Variants in RAD51B observed in about 807,000 individuals in gnomAD.
RAD51B encodes the protein RAD51 paralog B, also known as DNA repair protein RAD51 homolog 2.
In RAD51B, 38 loss-of-function variants were observed where a neutral mutation model predicts 42.2. The ratio of observed to expected loss-of-function variants is 0.90; its 90% CI spans 0.70 to 1.18. RAD51B has a LOEUF of 1.18. Among genes scored for constraint, RAD51B ranks in the 50% most tolerant of loss-of-function variants. The pLI is 0.00. For synonymous variants in RAD51B, 154 were observed against 145.2 expected (o/e 1.06, Z -0.43); for missense variants, 373 against 400.7 (o/e 0.93, Z 0.59).
chr14:68,530,446 C>CAAAAAAAAA (rs35454756), intron 10 of RAD51B, among the ~76,000 whole-genome samples: 66 of 67,824 alleles, frequency 9.7e-4, no homozygotes, highest in African/African-American at 2.1e-3. Context: ...GACCCTGTCT[C>CAAAAAAAAA]AAAAAAAAAA....
chr14:68,272,906 G>A lies in RAD51B; in HGVS notation c.757-18978G>A, dbSNP rs573797625. 3.3e-5 allele frequency among the ~76,000 whole-genome samples: 5 copies of A among 150,664 alleles called. No homozygotes were observed. In the South Asian group the frequency reaches 8.4e-4, roughly 25 times the overall value. On this transcript the variant is annotated intron_variant, in intron 7 of 10. Transcript: ENST00000471583. ...TCACCGTGTTAGCCAGGATGGTCTCGATCTCTTGACCTGGTGATCCGCCTG... is the reference window on the plus strand; with the variant it reads ...TCACCGTGTTAGCCAGGATGGTCTCAATCTCTTGACCTGGTGATCCGCCTG...
At chr14:68,163,511 C>T (rs1351507107) in intron 7 of RAD51B, among the ~76,000 whole-genome samples, 2 of 152,178 alleles carry the variant, frequency 1.3e-5, no homozygotes, top group African/African-American at 4.8e-5. Context: ...TTTTTGGCCT[C>T]ACTTCTTTAC....
At chr14:68,362,526 C>T (rs1232491158) in intron 8 of RAD51B, among the ~76,000 whole-genome samples, 1 of 152,112 alleles carries the variant, frequency 6.6e-6, no homozygotes, top group Admixed American at 6.5e-5. Flanking sequence ...CATCACTGCT[C>T]TGAAAAAGAG....
intron 9 of RAD51B, among the ~76,000 whole-genome samples, chr14:68,428,734 T>A (rs1214473688): frequency 3.6e-5 from 1 of 27,864 alleles, no homozygotes; most frequent in Non-Finnish European, 7.5e-5. Flanking sequence ...TATATATATA[T>A]ATATATATAT....
In RAD51B at chr14:68,425,404, C is replaced by G. The variant is rs35325812; in HGVS notation, c.957+13877C>G. 3.4e-3 allele frequency among the ~76,000 whole-genome samples: 525 copies of G among 152,318 alleles called. 2 individuals are homozygous for G. Among genetic ancestry groups the G allele is most frequent in the Non-Finnish European group, 6.3e-3 (431 of 68,030 alleles). ...GTAAGAGGTGATCAGCCCATGAGGG[C>G]CCTGCCCTCATGAATGATTAATGCC... On this transcript the variant is annotated intron_variant, in intron 9 of 10. Transcript: ENST00000471583.
chr14:68,431,564 G>T (rs1033875665), intron 9 of RAD51B, among the ~76,000 whole-genome samples: 5 of 152,088 alleles, frequency 3.3e-5, no homozygotes, highest in Admixed American at 2.0e-4. Flanking sequence ...ATTCTCTGAT[G>T]GTAGTTTGTA....
At chr14:68,546,668 C>G (rs1435320354) in intron 10 of RAD51B, among the ~76,000 whole-genome samples, 1 of 151,978 alleles carries the variant, frequency 6.6e-6, no homozygotes, top group African/African-American at 2.4e-5. Flanking sequence ...ATAGAAGCCC[C>G]AAAACTGGAG....
intron 9 of RAD51B, among the ~76,000 whole-genome samples, chr14:68,423,017 C>G (rs2084747099): frequency 6.6e-6 from 1 of 152,134 alleles, no homozygotes; most frequent in Admixed American, 6.5e-5. Flanking sequence ...CTTAAGAGTT[C>G]TTGCATCTCA....
chr14:68,216,660 C>G (rs978058036), intron 7 of RAD51B, among the ~76,000 whole-genome samples: 2 of 152,112 alleles, frequency 1.3e-5, no homozygotes, highest in Non-Finnish European at 2.9e-5. Flanking sequence ...CTTTTTATTT[C>G]TTGCCATAAA....
In RAD51B at chr14:68,146,546, G is replaced by A. The variant is rs542059664; in HGVS notation, c.757-145338G>A. On this transcript the variant is annotated intron_variant, in intron 7 of 10. Coordinates refer to ENST00000471583, the MANE Select transcript of RAD51B (RefSeq NM_133510.4). Reference sequence around the variant, plus strand: ...TTGTTGGCTTACTGGAATGCCTTGAGTTTGAATTAGAGGGAAGGACCTTAA... The same window carrying A: ...TTGTTGGCTTACTGGAATGCCTTGAATTTGAATTAGAGGGAAGGACCTTAA... Among the ~76,000 whole-genome samples, 120 of 152,212 alleles carry A rather than the reference G, an allele frequency of 7.9e-4. 1 individual carries two copies. The highest frequency in any genetic ancestry group is 5.9e-4 in the Non-Finnish European group (40 of 68,012).
At chr14:68,121,217 T>A (rs1174663684) in intron 7 of RAD51B, among the ~76,000 whole-genome samples, 2 of 152,234 alleles carry the variant, frequency 1.3e-5, no homozygotes, top group African/African-American at 4.8e-5. Context: ...TCAGGCATTT[T>A]ACATATATTA....
At chr14:68,111,670 C>T (rs900887408) in intron 7 of RAD51B, among the ~76,000 whole-genome samples, 2 of 152,040 alleles carry the variant, frequency 1.3e-5, no homozygotes, top group Non-Finnish European at 2.9e-5. Context: ...AAACTACTTC[C>T]TTTGTCCAGT....
intron 10 of RAD51B, among the ~76,000 whole-genome samples, chr14:68,556,467 C>T (rs928904309): frequency 3.3e-5 from 5 of 152,180 alleles, no homozygotes; most frequent in African/African-American, 9.6e-5. Flanking sequence ...TCAGCCCAGG[C>T]TACCCAGAGG....
At chr14:67,945,851 G>T (rs552280803) in intron 7 of RAD51B, among the ~76,000 whole-genome samples, 2 of 152,172 alleles carry the variant, frequency 1.3e-5, no homozygotes, top group Non-Finnish European at 2.9e-5. Context: ...AAAATTTTAT[G>T]TGTATGTACT....
chr14:68,231,307 C>T (rs1048429119), intron 7 of RAD51B, among the ~76,000 whole-genome samples: 11 of 152,134 alleles, frequency 7.2e-5, no homozygotes, highest in African/African-American at 2.7e-4. Context: ...TCCTTAACCA[C>T]TCCACTTTCC....
chr14:68,274,779 A>T (rs572982009), intron 7 of RAD51B, among the ~76,000 whole-genome samples: 3 of 152,170 alleles, frequency 2.0e-5, no homozygotes, highest in Non-Finnish European at 4.4e-5. Flanking sequence ...GATTTGGCTG[A>T]TGGCTTCTTC....
chr14:68,280,470 T>C (rs1433527542), intron 7 of RAD51B, among the ~76,000 whole-genome samples: 1 of 152,122 alleles, frequency 6.6e-6, no homozygotes, highest in Non-Finnish European at 1.5e-5. Flanking sequence ...AAAAAATACC[T>C]CAACTTCTTG....
At chr14:67,843,638 T>C (rs941716742) in intron 4 of RAD51B, 1 of 152,150 alleles carries the variant, frequency 6.6e-6, no homozygotes, top group Non-Finnish European at 1.5e-5. Flanking sequence ...CTAGTTAGTG[T>C]ACATAGAGGC....
At chr14:68,447,520 C>T (rs1454494910) in intron 9 of RAD51B, among the ~76,000 whole-genome samples, 5 of 151,356 alleles carry the variant, frequency 3.3e-5, no homozygotes, top group African/African-American at 1.2e-4. Context: ...TTACAATAAA[C>T]AGCTTTTCTG....
Sources: gnomAD v4.1 joint callset for allele counts (sites outside exome capture counted in the v4.1 genomes callset) on GRCh38, gnomAD v4.1.1 for gene constraint, MANE v1.5 for transcripts, NCBI Gene and HGNC (gene_info 2026-07-23, HGNC 2026-07-21) for gene names.